Variants in ITGA6 observed in about 807,000 individuals in gnomAD.
ITGA6 encodes the protein integrin subunit alpha 6, also known as integrin alpha-6.
ITGA6 carries 63 observed loss-of-function variants against 133.6 expected under a neutral mutation model. The observed-to-expected ratio is 0.47, with a 90% CI of 0.38 to 0.58. The LOEUF (loss-of-function observed/expected upper bound fraction) is 0.58, where lower values mean the gene tolerates loss of function less well. ITGA6 is among the 20% of genes least tolerant of loss of function. ITGA6 has a pLI of 0.00. For missense variants in ITGA6, 1,068 were observed against 1,309.4 expected, an observed-to-expected ratio of 0.82 and a Z score of 2.85; for synonymous variants, 434 against 482.0, an observed-to-expected ratio of 0.90 and a Z score of 1.30.
chr2:172,428,874 A>G (rs555528509), intron 1 of ITGA6, among the ~76,000 whole-genome samples: 15 of 152,350 alleles, frequency 9.8e-5, no homozygotes, highest in African/African-American at 3.1e-4. Flanking sequence ...ATGATCGGCT[A>G]TTTAAGCCGG....
chr2:172,476,316 TTG>T lies in ITGA6; in HGVS notation c.1270-73_1270-72del, dbSNP rs1214135100. Reference sequence around the variant, plus strand: ...TCTCAAATTTCAGTTCAAAAGAAACTTGTGTGTCTTTTTCAAAGCATTGTTAA... The same window carrying T: ...TCTCAAATTTCAGTTCAAAAGAAACTTGTGTCTTTTTCAAAGCATTGTTAA... On this transcript the variant is annotated intron_variant, in intron 8 of 25. Transcript: ENST00000684293. 3 of 828,362 alleles carry T rather than the reference TTG, an allele frequency of 3.6e-6. No individual in the cohort carries two copies. In the East Asian group the frequency reaches 7.3e-5, roughly 20 times the overall value. 51.3% of individuals were successfully genotyped at this position (828,362 alleles called of 1,614,324 possible). A position where few individuals can be genotyped will look rare whatever the true frequency, so the allele number is the denominator to read the frequency against.
intron 5 of ITGA6, among the ~76,000 whole-genome samples, chr2:172,471,542 A>C (rs1685937710): frequency 6.6e-6 from 1 of 152,218 alleles, no homozygotes; most frequent in Non-Finnish European, 1.5e-5. Flanking sequence ...TGGCAAGTCA[A>C]GACCTCCAGG....
intron 19 of ITGA6, among the ~76,000 whole-genome samples, chr2:172,489,191 G>A (rs1049277486): frequency 2.6e-5 from 4 of 152,014 alleles, no homozygotes; most frequent in African/African-American, 9.7e-5. Flanking sequence ...GATTTTCCCT[G>A]GGCGTATGTT....
At chr2:172,499,372 A>AT (rs11419012) in intron 24 of ITGA6, among the ~76,000 whole-genome samples, 29,849 of 151,334 alleles carry the variant, frequency 0.2, 4,206 homozygotes, top group African/African-American at 0.41. Context: ...AGAAAAAAAA[A>AT]TTTTTTTTGA....
At position 172,482,800 on chromosome 2, in the gene ITGA6, T is replaced by C. The variant is rs896541574; in HGVS notation, c.1550-1982T>C. 2.6e-5 allele frequency among the ~76,000 whole-genome samples: 4 copies of C among 152,252 alleles called. No individual in the cohort carries two copies. The South Asian group carries it at 8.3e-4, about 31-fold the overall frequency. On this transcript the variant is annotated intron_variant, in intron 11 of 25. Coordinates refer to ENST00000684293, the MANE Select transcript of ITGA6 (RefSeq NM_000210.4). ...CTCCAGATGGACACAAAAATTACTA[T>C]TGAAACTGTCAGTGTTTCTAAATTT...
At position 172,475,618 on chromosome 2, in the gene ITGA6, A is replaced by G. The variant is rs200217971; in HGVS notation, c.1202A>G (p.Tyr401Cys). The stretch of plus-strand genomic sequence containing the variant: ...ACAGATATTGCAGTTGGAGCTCCGT[A>G]TGATGACTTGGGAAAGGTTTTTATC... Reference protein sequence around the residue: ...GYPDIAVGAPYDDLGKVFIYH... With the variant: ...GYPDIAVGAPCDDLGKVFIYH... Residue 401 changes from tyrosine to cysteine, a missense_variant, in exon 8 of 26, where the codon TAT (tyrosine) becomes TGT (cysteine). Transcript: ENST00000684293. 182 of 1,604,064 alleles carry G rather than the reference A, an allele frequency of 1.1e-4. 1 individual carries two copies. Among genetic ancestry groups the G allele is most frequent in the Non-Finnish European group, 1.5e-4 (172 of 1,170,852 alleles).
chr2:172,478,667 A>C (rs1016979376), intron 9 of ITGA6, among the ~76,000 whole-genome samples: 2 of 152,186 alleles, frequency 1.3e-5, no homozygotes, highest in African/African-American at 4.8e-5. Flanking sequence ...CCAGCTTCTC[A>C]AGTGTTTGCG....
chr2:172,469,301 C>A lies in ITGA6; in HGVS notation c.564C>A (p.Cys188Ter). The change falls in exon 4 of 26, where the codon TGC (cysteine) becomes TGA (stop). Residue 188 changes from cysteine to a stop codon, truncating the protein, a stop_gained. Transcript: ENST00000684293. LOFTEE classifies it high-confidence loss of function. ...GAGGCCATGAGAAATTTGGCTCTTGCCAGCAAGGTGTAGCAGCTACTTTTA... is the reference window on the plus strand; with the variant it reads ...GAGGCCATGAGAAATTTGGCTCTTGACAGCAAGGTGTAGCAGCTACTTTTA... Reference protein sequence around the residue: ...RLRGHEKFGSCQQGVAATFTK... With the variant: ...RLRGHEKFGS 6.2e-7 allele frequency: 1 copy of A among 1,614,000 alleles called. No individual in the cohort carries two copies. Among genetic ancestry groups the A allele is most frequent in the Non-Finnish European group, 8.5e-7 (1 of 1,179,972 alleles).
intron 5 of ITGA6, among the ~76,000 whole-genome samples, chr2:172,471,640 G>A (rs1005912436): frequency 2.0e-5 from 3 of 152,208 alleles, no homozygotes; most frequent in African/African-American, 7.2e-5. Flanking sequence ...ATGGATAAAA[G>A]CTTCCCAGCG....
In ITGA6 at chr2:172,491,989, G is replaced by A. The variant is rs539276500; in HGVS notation, c.2988+466G>A. Among the ~76,000 whole-genome samples, 3 of 152,328 alleles carry A rather than the reference G, an allele frequency of 2.0e-5. No individual in the cohort carries two copies. Among genetic ancestry groups the A allele is most frequent in the Admixed American group, 6.5e-5 (1 of 15,306 alleles). On this transcript the variant is annotated intron_variant, in intron 23 of 25. Transcript: ENST00000684293. This position sits in a 1 kb window ranked among gnomAD's most constrained non-coding sequence, Gnocchi z 4.4. ...AGTTCTCTCTCTTGGCCATGTAGCA[G>A]CCTCTCAAATAATTGAAGGAAATGG...
At chr2:172,493,385 G>C (rs1574410227) in intron 23 of ITGA6, among the ~76,000 whole-genome samples, 1 of 152,154 alleles carries the variant, frequency 6.6e-6, no homozygotes. Flanking sequence ...AGCAGGTATA[G>C]CTTTCTATAA....
intron 11 of ITGA6, among the ~76,000 whole-genome samples, chr2:172,482,662 C>T (rs909493640): frequency 6.6e-6 from 1 of 152,116 alleles, no homozygotes; most frequent in Non-Finnish European, 1.5e-5. Context: ...GCGTGTGAGC[C>T]TTTATCTGGT....
intron 6 of ITGA6, 125 bp from the exon 7 acceptor site, chr2:172,474,804 T>C: frequency 1.4e-6 from 1 of 713,800 alleles, no homozygotes; most frequent in Non-Finnish European, 2.6e-6. Flanking sequence ...AATGTTATAA[T>C]TGAGTCATAA....
intron 1 of ITGA6, among the ~76,000 whole-genome samples, chr2:172,447,961 G>A (rs1195889105): frequency 6.6e-6 from 1 of 152,064 alleles, no homozygotes; most frequent in African/African-American, 2.4e-5. Context: ...CTCTTAATGA[G>A]ACACACCCAT....
chr2:172,484,533 C>T (rs911302334), intron 11 of ITGA6, among the ~76,000 whole-genome samples: 1 of 151,212 alleles, frequency 6.6e-6, no homozygotes, highest in Non-Finnish European at 1.5e-5. Context: ...AAGGTTTTAA[C>T]TTATTCTTGA....
At chr2:172,464,813 A>G (rs1450854796) in intron 1 of ITGA6, among the ~76,000 whole-genome samples, 1 of 152,172 alleles carries the variant, frequency 6.6e-6, no homozygotes, top group Non-Finnish European at 1.5e-5. Context: ...ATAGGATGAG[A>G]GAGGACGAAC....
rs565532827 is a variant in ITGA6, at chr2:172,450,092, G to A, written c.183-15447G>A. On this transcript the variant is annotated intron_variant, in intron 1 of 25. Transcript: ENST00000684293. Reference sequence around the variant, plus strand: ...CTGCTATGTTCAAAGGACAGAAACGGAGTCAGTGTGGCAGGAGTGCACACC... The same window carrying A: ...CTGCTATGTTCAAAGGACAGAAACGAAGTCAGTGTGGCAGGAGTGCACACC... Among the ~76,000 whole-genome samples, 4 of 152,304 alleles carry A rather than the reference G, an allele frequency of 2.6e-5. No homozygotes were observed. In the East Asian group the frequency reaches 7.7e-4, roughly 29 times the overall value.
chr2:172,466,922 C>T (rs553239060), intron 2 of ITGA6, among the ~76,000 whole-genome samples: 161 of 152,166 alleles, frequency 1.1e-3, no homozygotes, highest in Non-Finnish European at 1.9e-3. Context: ...TTGTGGTCCC[C>T]GTCTCTCTGA....
intron 13 of ITGA6, among the ~76,000 whole-genome samples, chr2:172,486,756 G>A (rs925487320): frequency 2.0e-5 from 3 of 152,160 alleles, no homozygotes; most frequent in Non-Finnish European, 2.9e-5. Context: ...GTAGAGCTGC[G>A]TTTCAAACCC....
Sources: gnomAD v4.1 joint callset for allele counts (sites outside exome capture counted in the v4.1 genomes callset) on GRCh38, gnomAD v4.1.1 for gene constraint, Gnocchi (gnomAD v3.1) non-coding constraint, MANE v1.5 for transcripts, NCBI Gene and HGNC (gene_info 2026-07-23, HGNC 2026-07-21) for gene names.